The following ESRRG variants were observed in gnomAD, a reference collection of about 807,000 sequenced individuals.
The protein encoded by ESRRG is estrogen related receptor gamma, also known as estrogen-related receptor gamma.
A neutral mutation model predicts 44.0 loss-of-function variants in ESRRG; 13 were observed. That is an observed-to-expected ratio of 0.30 (90% CI 0.19 to 0.47). The LOEUF (loss-of-function observed/expected upper bound fraction) is 0.47, where lower values mean the gene tolerates loss of function less well. ESRRG is among the 20% of genes least tolerant of loss of function. The probability of loss-of-function intolerance (pLI) is 1.00; values close to 1 mark genes in which losing one functional copy is unlikely to be tolerated. For synonymous variants in ESRRG, 215 were observed against 214.6 expected (o/e 1.00, Z -0.02); for missense variants, 395 against 580.6 (o/e 0.68, Z 3.29).
intron 1 of ESRRG, among the ~76,000 whole-genome samples, chr1:217,136,941 C>A (rs756095094): frequency 6.6e-6 from 1 of 152,122 alleles, no homozygotes; most frequent in Non-Finnish European, 1.5e-5. Flanking sequence ...CGCCAGGTAC[C>A]GGGAGAGGAG....
intron 1 of ESRRG, among the ~76,000 whole-genome samples, chr1:217,026,042 C>G (rs1415227594): frequency 6.6e-6 from 1 of 152,114 alleles, no homozygotes; most frequent in Non-Finnish European, 1.5e-5. Flanking sequence ...CCACCTTTGC[C>G]CCACTTTTAT....
At chr1:216,820,497 C>T (rs926410524) in intron 2 of ESRRG, among the ~76,000 whole-genome samples, 4 of 152,148 alleles carry the variant, frequency 2.6e-5, no homozygotes, top group African/African-American at 4.8e-5. Flanking sequence ...ATCTTATCTA[C>T]GACATGATAT....
intron 3 of ESRRG, among the ~76,000 whole-genome samples, chr1:216,573,173 T>C (rs1356195024): frequency 6.6e-6 from 1 of 151,954 alleles, no homozygotes; most frequent in Non-Finnish European, 1.5e-5. Flanking sequence ...ATCATGATTT[T>C]GTGAAGATTA....
intron 2 of ESRRG, among the ~76,000 whole-genome samples, chr1:216,824,946 T>C (rs558324710): frequency 1.3e-5 from 2 of 152,332 alleles, no homozygotes; most frequent in South Asian, 2.1e-4. Context: ...TGTCTGCATG[T>C]AGTCTTGCTT....
intron 2 of ESRRG, among the ~76,000 whole-genome samples, chr1:216,747,745 G>A (rs2091572234): frequency 6.6e-6 from 1 of 151,996 alleles, no homozygotes; most frequent in South Asian, 2.1e-4. Context: ...TTTACTGTGA[G>A]AAAAAAGGAC....
At chr1:216,993,604 G>A (rs764685808) in intron 1 of ESRRG, among the ~76,000 whole-genome samples, 5 of 152,082 alleles carry the variant, frequency 3.3e-5, no homozygotes, top group South Asian at 4.1e-4. Context: ...GAACTCACCC[G>A]GAGATGATGA....
chr1:216,944,336 T>C (rs1266520155), intron 1 of ESRRG, among the ~76,000 whole-genome samples: 1 of 152,168 alleles, frequency 6.6e-6, no homozygotes, highest in African/African-American at 2.4e-5. Flanking sequence ...TGCCAATCAT[T>C]TTCCTTCCAC....
Position 216,736,273 on chromosome 1 carries a change from C to T in ESRRG, c.-13-58782G>A, listed in dbSNP as rs567693695. The stretch of plus-strand genomic sequence containing the variant: ...TCTCTACTCACTGCAAGCTCCGCCT[C>T]CCGGTTTCACGCCATTCTCCTGCCT... On this transcript the variant is annotated intron_variant, in intron 2 of 7. Transcript: ENST00000359162. 2.7e-4 allele frequency among the ~76,000 whole-genome samples: 40 copies of T among 150,194 alleles called. 1 individual carries two copies. Among genetic ancestry groups the T allele is most frequent in the African/African-American group, 9.8e-4 (40 of 40,818 alleles).
chr1:216,787,060 T>A (rs1386289165), intron 2 of ESRRG, among the ~76,000 whole-genome samples: 1 of 127,476 alleles, frequency 7.8e-6, no homozygotes, highest in Non-Finnish European at 1.6e-5. Context: ...ACTTTCCGTC[T>A]CTGTGTCACA....
intron 2 of ESRRG, among the ~76,000 whole-genome samples, chr1:216,880,094 G>A (rs2096419319): frequency 2.0e-5 from 3 of 151,722 alleles, no homozygotes. Flanking sequence ...GATCATTTGA[G>A]GTCAAGAGTT....
chr1:216,630,223 T>C (rs1437559905), intron 3 of ESRRG, among the ~76,000 whole-genome samples: 1 of 152,316 alleles, frequency 6.6e-6, no homozygotes, highest in East Asian at 1.9e-4. Context: ...TTTGTTACTT[T>C]CATTCTCATT....
At chr1:216,681,459 A>G (rs906537854) in intron 1 of ESRRG, among the ~76,000 whole-genome samples, 1 of 152,076 alleles carries the variant, frequency 6.6e-6, no homozygotes, top group Non-Finnish European at 1.5e-5. Context: ...CCACCCGACA[A>G]CAGGCCCCAG....
intron 5 of ESRRG, among the ~76,000 whole-genome samples, chr1:216,559,748 G>A (rs972922997): frequency 1.3e-5 from 2 of 152,108 alleles, no homozygotes; most frequent in South Asian, 4.1e-4. Flanking sequence ...CCAGTAATGA[G>A]TATTTTAAAA....
chr1:216,748,609 T>TAAG, intron 2 of ESRRG, among the ~76,000 whole-genome samples: 1 of 152,172 alleles, frequency 6.6e-6, no homozygotes, highest in South Asian at 2.1e-4. Context: ...TTTGCTCAAG[T>TAAG]TACACAAGTA....
intron 1 of ESRRG, among the ~76,000 whole-genome samples, chr1:216,715,909 A>G (rs2084766430): frequency 6.6e-6 from 1 of 152,014 alleles, no homozygotes; most frequent in Non-Finnish European, 1.5e-5. Flanking sequence ...ATCATTTACA[A>G]AGGTATTGTT....
At chr1:216,526,719 C>T (rs749603246) in intron 5 of ESRRG, among the ~76,000 whole-genome samples, 8 of 152,124 alleles carry the variant, frequency 5.3e-5, no homozygotes, top group Non-Finnish European at 8.8e-5. Flanking sequence ...CTTCCAGTTC[C>T]AACAGTTTCT....
chr1:216,831,083 A>G (rs1451085846), intron 2 of ESRRG, among the ~76,000 whole-genome samples: 2 of 151,810 alleles, frequency 1.3e-5, no homozygotes, highest in African/African-American at 4.8e-5. Context: ...TGTGATCTAT[A>G]TTGGGATGCA....
At chr1:216,920,155 T>C (rs759214037) in intron 2 of ESRRG, among the ~76,000 whole-genome samples, 5 of 152,184 alleles carry the variant, frequency 3.3e-5, no homozygotes, top group Non-Finnish European at 5.9e-5. Flanking sequence ...AAAAGAGCAA[T>C]GCTGTGCTCG....
chr1:216,758,313 C>G (rs1045195568), intron 2 of ESRRG, among the ~76,000 whole-genome samples: 1 of 151,990 alleles, frequency 6.6e-6, no homozygotes, highest in Non-Finnish European at 1.5e-5. Context: ...ATGTCATTAG[C>G]GATTGTTTCA....
Sources: gnomAD v4.1 joint callset for allele counts (sites outside exome capture counted in the v4.1 genomes callset) on GRCh38, gnomAD v4.1.1 for gene constraint, MANE v1.5 for transcripts, NCBI Gene and HGNC (gene_info 2026-07-23, HGNC 2026-07-21) for gene names.